The following OTUD3 variants were observed in gnomAD, a reference collection of about 807,000 sequenced individuals.
OTUD3 encodes OTU deubiquitinase 3.
Under a neutral mutation model 46.2 loss-of-function variants are expected in OTUD3, and 24 were observed. The ratio of observed to expected loss-of-function variants is 0.52; its 90% confidence interval spans 0.38 to 0.73. The LOEUF (loss-of-function observed/expected upper bound fraction) is 0.73. Ranked by LOEUF, OTUD3 falls within the 30% of genes least tolerant of loss-of-function variation. OTUD3 has a pLI of 0.00. For missense variants in OTUD3, 455 were observed against 523.3 expected, an observed-to-expected ratio of 0.87 and a Z score of 1.27; for synonymous variants, 189 against 195.4, an observed-to-expected ratio of 0.97 and a Z score of 0.27.
chr1:19,907,499 A>G, intron 7 of OTUD3, 71 bp from the exon 8 acceptor site: 2 of 1,457,160 alleles, frequency 1.4e-6, no homozygotes, highest in East Asian at 2.3e-5. Flanking sequence ...CTTTGCCACC[A>G]TCTCCCTTCT....
At chr1:19,897,762 A>G (rs1192242758) in intron 4 of OTUD3, 100 bp downstream of exon 4, 1 of 1,287,756 alleles carries the variant, frequency 7.8e-7, no homozygotes, top group East Asian at 2.5e-5. Flanking sequence ...TTTTGTAGAA[A>G]GTTGGCATTG....
intron 1 of OTUD3, 125 bp downstream of exon 1, chr1:19,882,859 G>C (rs2045291291): frequency 1.2e-6 from 1 of 862,422 alleles, no homozygotes; most frequent in Non-Finnish European, 1.6e-6. Context: ...CCGCGAGCCA[G>C]CCACGCTCCG....
intron 7 of OTUD3, 135 bp downstream of exon 7, chr1:19,906,751 A>G: frequency 1.3e-6 from 1 of 785,076 alleles, no homozygotes; most frequent in Non-Finnish European, 2.0e-6. Flanking sequence ...GGGAATGCAT[A>G]AAGCTACATC....
At chr1:19,907,505 C>T (rs1165800733) in intron 7 of OTUD3, 65 bp from the exon 8 acceptor site, 30 of 1,507,992 alleles carry the variant, frequency 2.0e-5, no homozygotes, top group Non-Finnish European at 2.7e-5. Context: ...CACCATCTCC[C>T]TTCTAGCAGG....
chr1:19,901,962 T>C (rs1304288239), intron 4 of OTUD3, among the ~76,000 whole-genome samples: 2 of 152,230 alleles, frequency 1.3e-5, no homozygotes, highest in Non-Finnish European at 2.9e-5. Flanking sequence ...TTGAGAATAG[T>C]GCTGCTGTGA....
intron 6 of OTUD3, among the ~76,000 whole-genome samples, chr1:19,905,243 A>G (rs2045643266): frequency 1.3e-5 from 2 of 152,188 alleles, no homozygotes; most frequent in African/African-American, 2.4e-5. Flanking sequence ...TTGGGAGTAC[A>G]GGGTGCTGGG....
chr1:19,894,500 AT>A lies in OTUD3; in HGVS notation c.483+23del. 2.2e-6 allele frequency: 3 copies of A among 1,372,084 alleles called. No homozygotes were observed. Among genetic ancestry groups the A allele is most frequent in the Non-Finnish European group, 3.1e-6 (3 of 971,674 alleles). The allele number at this position is 1,372,084 out of a possible 1,614,324, so 85.0% of individuals were successfully genotyped here. A position where few individuals can be genotyped will look rare whatever the true frequency, so the allele number is the denominator to read the frequency against. On this transcript the variant is annotated intron_variant, in intron 3 of 7. Transcript: ENST00000375120. ...TGGCAGGTAGGTCACCTATTTAAAC[AT>A]TTATCTTAAGCTCTTATTTCTAAGT...
chr1:19,889,050 G>A (rs138801965), intron 1 of OTUD3, among the ~76,000 whole-genome samples: 1 of 152,202 alleles, frequency 6.6e-6, no homozygotes, highest in African/African-American at 2.4e-5. Flanking sequence ...GAATAGGCTA[G>A]TGGTGGCAGA....
At chr1:19,905,326 A>G (rs527682736) in intron 6 of OTUD3, among the ~76,000 whole-genome samples, 1 of 152,346 alleles carries the variant, frequency 6.6e-6, no homozygotes, top group South Asian at 2.1e-4. Context: ...AACCAAAATA[A>G]AATGGAGAGA....
chr1:19,892,516 C>T (rs144509157), intron 2 of OTUD3, among the ~76,000 whole-genome samples: 25 of 152,240 alleles, frequency 1.6e-4, no homozygotes, highest in African/African-American at 6.0e-4. Flanking sequence ...CTGGCTGTAT[C>T]TTTAGGATTA....
chr1:19,883,682 TG>T (rs545466415), intron 1 of OTUD3, among the ~76,000 whole-genome samples: 51,871 of 151,984 alleles, frequency 0.34, 9,165 homozygotes, highest in Non-Finnish European at 0.4. Flanking sequence ...GATTTTGCTG[TG>T]TTGCCCAGGC....
chr1:19,889,450 G>A (rs2045418335), intron 1 of OTUD3, among the ~76,000 whole-genome samples: 1 of 152,096 alleles, frequency 6.6e-6, no homozygotes, highest in South Asian at 2.1e-4. Flanking sequence ...TTTATACTTT[G>A]GAATTACAGT....
intron 7 of OTUD3, 62 bp from the exon 8 acceptor site, chr1:19,907,508 C>G: frequency 6.6e-7 from 1 of 1,518,426 alleles, no homozygotes; most frequent in Non-Finnish European, 9.1e-7. Flanking sequence ...CATCTCCCTT[C>G]TAGCAGGTGG....
At chr1:19,891,808 T>C (rs1204500373) in intron 2 of OTUD3, among the ~76,000 whole-genome samples, 1 of 152,196 alleles carries the variant, frequency 6.6e-6, no homozygotes, top group Non-Finnish European at 1.5e-5. Context: ...AAACTTCCAA[T>C]GGGTGGTTTG....
intron 1 of OTUD3, among the ~76,000 whole-genome samples, chr1:19,883,843 A>G (rs1213977429): frequency 3.9e-5 from 6 of 152,336 alleles, no homozygotes; most frequent in African/African-American, 1.4e-4. Context: ...ATTACATTGC[A>G]GCTTATTGAT....
chr1:19,905,641 T>C (rs529834632), intron 6 of OTUD3, among the ~76,000 whole-genome samples: 1 of 152,206 alleles, frequency 6.6e-6, no homozygotes, highest in East Asian at 1.9e-4. Flanking sequence ...CTCAGGAGGC[T>C]GAGGCAGGAG....
chr1:19,887,082 CTTTTTTT>C (rs35763768), intron 1 of OTUD3, among the ~76,000 whole-genome samples: 2 of 133,484 alleles, frequency 1.5e-5, no homozygotes, highest in Non-Finnish European at 3.2e-5. Flanking sequence ...TTTTCTTTTT[CTTTTTTT>C]TTTTTTTTTG....
intron 1 of OTUD3, among the ~76,000 whole-genome samples, chr1:19,888,282 G>T (rs1240760920): frequency 6.6e-6 from 1 of 152,208 alleles, no homozygotes; most frequent in Non-Finnish European, 1.5e-5. Context: ...TATAGGTAAT[G>T]GTGAGAGTGT....
rs193123403 is a variant in OTUD3, at chr1:19,897,751, T to C, written c.606+89T>C. On this transcript the variant is annotated intron_variant, in intron 4 of 7. Transcript: ENST00000375120. ...TATCTGGCGCTAAAAACCAGTAATGTTTTTGTAGAAAGTTGGCATTGAGAA... is the reference window on the plus strand; with the variant it reads ...TATCTGGCGCTAAAAACCAGTAATGCTTTTGTAGAAAGTTGGCATTGAGAA... 138 of 1,366,876 alleles carry C rather than the reference T, an allele frequency of 1.0e-4. 1 individual carries two copies. The East Asian group carries it at 3.3e-3, about 33-fold the overall frequency. The allele number at this position is 1,366,876 out of a possible 1,614,324, so 84.7% of individuals were successfully genotyped here. A position where few individuals can be genotyped will look rare whatever the true frequency, so the allele number is the denominator to read the frequency against.
Sources: gnomAD v4.1 joint callset for allele counts (sites outside exome capture counted in the v4.1 genomes callset) on GRCh38, gnomAD v4.1.1 for gene constraint, MANE v1.5 for transcripts, NCBI Gene and HGNC (gene_info 2026-07-23, HGNC 2026-07-21) for gene names.